The following FHOD3 variants were observed in gnomAD, a reference collection of about 807,000 sequenced individuals.
FHOD3 encodes formin homology 2 domain containing 3.
FHOD3 carries 90 observed loss-of-function variants against 173.0 expected under a neutral mutation model. The observed-to-expected ratio is 0.52, with a 90% CI of 0.44 to 0.62. The LOEUF (loss-of-function observed/expected upper bound fraction) is 0.62. Ranked by LOEUF, FHOD3 falls within the 20% of genes least tolerant of loss-of-function variation. FHOD3 has a pLI of 0.00. For missense variants in FHOD3, 1,945 were observed against 2,034.7 expected, an observed-to-expected ratio of 0.96 and a Z score of 0.85; for synonymous variants, 828 against 823.0, an observed-to-expected ratio of 1.01 and a Z score of -0.10.
intron 9 of FHOD3, among the ~76,000 whole-genome samples, chr18:36,614,834 TA>T (rs1360209242): frequency 2.0e-5 from 3 of 150,572 alleles, no homozygotes; most frequent in African/African-American, 2.5e-5. Context: ...GCTCATTTTT[TA>T]ATTGATTTTT....
intron 22 of FHOD3, among the ~76,000 whole-genome samples, chr18:36,743,400 A>G (rs1286113228): frequency 1.3e-5 from 2 of 151,724 alleles, no homozygotes; most frequent in African/African-American, 4.8e-5. Context: ...AAAAACACAC[A>G]CATGATTCTT....
chr18:36,500,762 A>G (rs1599399188), intron 3 of FHOD3, among the ~76,000 whole-genome samples: 1 of 152,304 alleles, frequency 6.6e-6, no homozygotes, highest in African/African-American at 2.4e-5. Context: ...TGATAATTCC[A>G]TTCTTCACTG....
intron 2 of FHOD3, among the ~76,000 whole-genome samples, chr18:36,360,995 A>G (rs749581259): frequency 2.2e-4 from 34 of 152,238 alleles, no homozygotes; most frequent in Non-Finnish European, 4.4e-4. Flanking sequence ...CAAGAAACCA[A>G]CGAAACCCCC....
intron 1 of FHOD3, among the ~76,000 whole-genome samples, chr18:36,301,032 G>A (rs946306829): frequency 2.0e-5 from 3 of 152,150 alleles, no homozygotes; most frequent in South Asian, 2.1e-4. Flanking sequence ...GTGAGCCACC[G>A]TGCCTGGCTG....
chr18:36,599,219 G>A (rs1477370724), intron 7 of FHOD3, among the ~76,000 whole-genome samples: 3 of 152,218 alleles, frequency 2.0e-5, no homozygotes, highest in African/African-American at 7.2e-5. Context: ...CCCACAGAGG[G>A]TGAGGCAAGT....
intron 3 of FHOD3, among the ~76,000 whole-genome samples, chr18:36,383,138 C>A (rs976063595): frequency 1.3e-5 from 2 of 152,182 alleles, no homozygotes; most frequent in African/African-American, 4.8e-5. Context: ...GCCCTTCCAG[C>A]CCTGCTGTGT....
rs540369263 is a variant in FHOD3 at position 36,298,148 on chromosome 18, C to T, written c.165+148C>T. Reference sequence around the variant, plus strand: ...TCGCTCGAGGGCAAATCCCCCTCCCCGTTAGACAGAAGGGCTCGAGGCACC... The same window carrying T: ...TCGCTCGAGGGCAAATCCCCCTCCCTGTTAGACAGAAGGGCTCGAGGCACC... On this transcript the variant is annotated intron_variant, in intron 1 of 28. Transcript: ENST00000590592. 7.2e-6 allele frequency: 5 copies of T among 693,920 alleles called. No homozygotes were observed. In the East Asian group the frequency reaches 1.8e-4, roughly 24 times the overall value. 43.0% of individuals were successfully genotyped at this position (693,920 alleles called of 1,614,324 possible).
intron 1 of FHOD3, among the ~76,000 whole-genome samples, chr18:36,335,175 G>A (rs571273028): frequency 1.3e-5 from 2 of 152,264 alleles, no homozygotes; most frequent in East Asian, 3.9e-4. Context: ...ATACACTAAC[G>A]CAAAAGGATA....
At chr18:36,555,821 C>T (rs1240469369) in intron 5 of FHOD3, among the ~76,000 whole-genome samples, 1 of 152,152 alleles carries the variant, frequency 6.6e-6, no homozygotes, top group Non-Finnish European at 1.5e-5. Context: ...ATTCATGTCT[C>T]TGAAATCTAT....
chr18:36,529,008 C>T lies in FHOD3; in HGVS notation c.511+16465C>T, dbSNP rs191618053. 3.3e-3 allele frequency among the ~76,000 whole-genome samples: 510 copies of T among 152,260 alleles called. 2 individuals are homozygous for T. The highest frequency in any genetic ancestry group is 6.1e-3 in the Non-Finnish European group (417 of 68,024). Reference sequence around the variant, plus strand: ...ATGCTCTTGGGAGAGGATTCTGACCCCAAGCAGATATCACTATCATTTGCT... The same window carrying T: ...ATGCTCTTGGGAGAGGATTCTGACCTCAAGCAGATATCACTATCATTTGCT... On this transcript the variant is annotated intron_variant, in intron 5 of 28. Coordinates refer to ENST00000590592, the MANE Select transcript of FHOD3 (RefSeq NM_001281740.3).
chr18:36,687,312 C>A, intron 16 of FHOD3, 134 bp downstream of exon 16: 1 of 667,124 alleles, frequency 1.5e-6, no homozygotes, highest in Non-Finnish European at 2.6e-6. Flanking sequence ...TTTTGCAGAA[C>A]AGAGTGTACT....
intron 20 of FHOD3, among the ~76,000 whole-genome samples, chr18:36,732,177 G>C (rs1044974720): frequency 6.6e-6 from 1 of 152,190 alleles, no homozygotes; most frequent in African/African-American, 2.4e-5. Context: ...ACCAAGGATC[G>C]TGGACAACCA....
At chr18:36,500,006 AAT>A (rs2054946972) in intron 3 of FHOD3, among the ~76,000 whole-genome samples, 1 of 152,172 alleles carries the variant, frequency 6.6e-6, no homozygotes, top group Non-Finnish European at 1.5e-5. Context: ...ACTTAGCAGC[AAT>A]ATGTATTAAG....
chr18:36,662,336 TG>T (rs1448259081), intron 14 of FHOD3, among the ~76,000 whole-genome samples: 1 of 152,212 alleles, frequency 6.6e-6, no homozygotes, highest in Non-Finnish European at 1.5e-5. Flanking sequence ...AAGCCTATCC[TG>T]CACTGTGAGT....
chr18:36,672,066 G>T (rs2037568004), intron 14 of FHOD3, among the ~76,000 whole-genome samples: 1 of 152,184 alleles, frequency 6.6e-6, no homozygotes, highest in Non-Finnish European at 1.5e-5. Flanking sequence ...ATGGTGAGTG[G>T]CTTGATTGGC....
At chr18:36,563,269 ATAT>A (rs1446833558) in intron 5 of FHOD3, among the ~76,000 whole-genome samples, 1 of 152,226 alleles carries the variant, frequency 6.6e-6, no homozygotes, top group Non-Finnish European at 1.5e-5. Context: ...GAAGGGTTGT[ATAT>A]TAATAAGGCA....
intron 3 of FHOD3, among the ~76,000 whole-genome samples, chr18:36,395,813 T>C (rs2048530314): frequency 6.6e-6 from 1 of 152,256 alleles, no homozygotes; most frequent in South Asian, 2.1e-4. Flanking sequence ...ATACTGGGTT[T>C]GCTATTTTTG....
intron 3 of FHOD3, among the ~76,000 whole-genome samples, chr18:36,430,642 C>T (rs1018306489): frequency 4.6e-5 from 7 of 152,220 alleles, no homozygotes; most frequent in Admixed American, 6.5e-5. Flanking sequence ...TCAGAAAAGT[C>T]GTGAGCATTT....
intron 3 of FHOD3, among the ~76,000 whole-genome samples, chr18:36,407,594 A>G (rs1450688697): frequency 6.6e-6 from 1 of 152,252 alleles, no homozygotes; most frequent in Non-Finnish European, 1.5e-5. Context: ...ACTTGAGCGT[A>G]AGCGATGGAG....
Sources: gnomAD v4.1 joint callset for allele counts (sites outside exome capture counted in the v4.1 genomes callset) on GRCh38, gnomAD v4.1.1 for gene constraint, MANE v1.5 for transcripts, NCBI Gene and HGNC (gene_info 2026-07-23, HGNC 2026-07-21) for gene names.